Variants in LRMDA observed in about 807,000 individuals in gnomAD.
LRMDA encodes the protein leucine rich melanocyte differentiation associated.
In LRMDA, 18 loss-of-function variants were observed where a neutral mutation model predicts 29.8. That is an observed-to-expected ratio of 0.60 (90% CI 0.42 to 0.90). The LOEUF (loss-of-function observed/expected upper bound fraction) is 0.90, where lower values mean the gene tolerates loss of function less well. LRMDA is among the 40% of genes least tolerant of loss of function. LRMDA has a pLI of 0.00. For missense variants in LRMDA, 273 were observed against 273.9 expected, an observed-to-expected ratio of 1.00 and a Z score of 0.02; for synonymous variants, 125 against 109.4, an observed-to-expected ratio of 1.14 and a Z score of -0.89.
chr10:75,525,592 C>CTTTTTTTTTTTTTTTTTTTTTTTTTT (rs11415547), intron 2 of LRMDA, among the ~76,000 whole-genome samples: 1 of 129,718 alleles, frequency 7.7e-6, no homozygotes, highest in Non-Finnish European at 1.6e-5. Flanking sequence ...TTCTTTCTTT[C>CTTTTTTTTTTTTTTTTTTTTTTTTTT]TTTTTTTTTT....
At chr10:76,216,508 C>T (rs1851730833) in intron 5 of LRMDA, among the ~76,000 whole-genome samples, 1 of 152,092 alleles carries the variant, frequency 6.6e-6, no homozygotes, top group Non-Finnish European at 1.5e-5. Context: ...GAAGTAGGCA[C>T]AAGATGGAGA....
At chr10:75,628,074 A>G (rs1295709661) in intron 2 of LRMDA, among the ~76,000 whole-genome samples, 1 of 152,206 alleles carries the variant, frequency 6.6e-6, no homozygotes, top group African/African-American at 2.4e-5. Flanking sequence ...TTTGGAAAAT[A>G]TATCTGAGTA....
At position 76,511,199 on chromosome 10, in the gene LRMDA, G is replaced by A. The variant is rs1022420839; in HGVS notation, c.602-46010G>A. Among the ~76,000 whole-genome samples the A allele has an allele frequency of 2.0e-5, 3 of 152,176 alleles. No individual in the cohort carries two copies. The South Asian group carries it at 6.2e-4, about 32-fold the overall frequency. On this transcript the variant is annotated intron_variant, in intron 6 of 6. Coordinates refer to ENST00000611255, the MANE Select transcript of LRMDA (RefSeq NM_001305581.2). ...TTTACATCATGAGGCTTTCTAGGGA[G>A]AGCAGAGGAAACACCCAAGCTTTTC...
intron 5 of LRMDA, among the ~76,000 whole-genome samples, chr10:76,144,997 A>C (rs532676082): frequency 1.3e-4 from 20 of 152,296 alleles, no homozygotes; most frequent in African/African-American, 3.9e-4. Context: ...GATTACATTT[A>C]TTGATTTGCA....
intron 6 of LRMDA, among the ~76,000 whole-genome samples, chr10:76,516,520 G>C (rs1843063269): frequency 6.6e-6 from 1 of 151,616 alleles, no homozygotes; most frequent in Non-Finnish European, 1.5e-5. Flanking sequence ...ACAGTCCCCA[G>C]AGTGTGATGT....
chr10:76,552,057 G>A (rs762219968), intron 6 of LRMDA, among the ~76,000 whole-genome samples: 1 of 152,188 alleles, frequency 6.6e-6, no homozygotes, highest in Non-Finnish European at 1.5e-5. Context: ...CATATGAAAT[G>A]CATTTAAAAT....
In LRMDA at chr10:76,034,493, G is replaced by A. The variant is rs192551790; in HGVS notation, c.132-1515G>A. Among the ~76,000 whole-genome samples the A allele has an allele frequency of 9.3e-4, 142 of 152,258 alleles. No homozygotes were observed. In the East Asian group the frequency reaches 0.022, roughly 24 times the overall value. Reference sequence around the variant, plus strand: ...GCTCTGGGAGTCGAGTCCTGAGTGGGACCACCCCGAGGTCTGGCAGGAATG... The same window carrying A: ...GCTCTGGGAGTCGAGTCCTGAGTGGAACCACCCCGAGGTCTGGCAGGAATG... On this transcript the variant is annotated intron_variant, in intron 2 of 6. Transcript: ENST00000611255.
chr10:75,869,418 T>G (rs1164387151), intron 2 of LRMDA, among the ~76,000 whole-genome samples: 2 of 152,224 alleles, frequency 1.3e-5, no homozygotes, highest in East Asian at 3.9e-4. Flanking sequence ...TCTATATGGA[T>G]ATATCAAACT....
intron 5 of LRMDA, 138 bp from the exon 6 acceptor site, chr10:76,324,263 C>T (rs994860844): frequency 2.6e-6 from 2 of 780,850 alleles, no homozygotes; most frequent in African/African-American, 3.4e-5. Context: ...ACAAAAACAG[C>T]TCTTGCTTCC....
intron 6 of LRMDA, among the ~76,000 whole-genome samples, chr10:76,510,464 A>G (rs1026977628): frequency 6.6e-6 from 1 of 152,162 alleles, no homozygotes; most frequent in African/African-American, 2.4e-5. Context: ...CAAAAAGCAG[A>G]AAAATGAGCC....
At chr10:76,109,738 A>G (rs1849545821) in intron 5 of LRMDA, among the ~76,000 whole-genome samples, 1 of 152,186 alleles carries the variant, frequency 6.6e-6, no homozygotes, top group African/African-American at 2.4e-5. Flanking sequence ...GCTAAATCCA[A>G]TGGACCTCTC....
At chr10:76,441,989 T>C (rs1842308225) in intron 6 of LRMDA, among the ~76,000 whole-genome samples, 1 of 152,174 alleles carries the variant, frequency 6.6e-6, no homozygotes, top group African/African-American at 2.4e-5. Flanking sequence ...AACACTTTGG[T>C]GTATTATTCC....
At chr10:76,221,651 C>T (rs1430415776) in intron 5 of LRMDA, among the ~76,000 whole-genome samples, 1 of 152,236 alleles carries the variant, frequency 6.6e-6, no homozygotes, top group Non-Finnish European at 1.5e-5. Flanking sequence ...ATTCCATGCT[C>T]ATGGGTAGGA....
At chr10:75,738,837 A>G (rs1384994499) in intron 2 of LRMDA, among the ~76,000 whole-genome samples, 1 of 152,102 alleles carries the variant, frequency 6.6e-6, no homozygotes, top group Non-Finnish European at 1.5e-5. Context: ...CTTCCTGAGG[A>G]GACAGTTTTT....
chr10:75,714,238 A>G (rs1842471527), intron 2 of LRMDA, among the ~76,000 whole-genome samples: 1 of 152,198 alleles, frequency 6.6e-6, no homozygotes, highest in Admixed American at 6.5e-5. Context: ...CATGAGACAT[A>G]TTTTCAGATA....
intron 2 of LRMDA, among the ~76,000 whole-genome samples, chr10:75,709,697 G>T (rs1842413444): frequency 6.6e-6 from 1 of 152,110 alleles, no homozygotes; most frequent in Admixed American, 6.5e-5. Context: ...AAGGTCTCTT[G>T]CTCACATGCT....
rs776373986 is a variant in LRMDA at position 75,803,902 on chromosome 10, G to A, written c.132-232106G>A. Among the ~76,000 whole-genome samples, 8 of 152,248 alleles carry A rather than the reference G, an allele frequency of 5.3e-5. No individual in the cohort carries two copies. In the East Asian group the frequency reaches 5.8e-4, roughly 11 times the overall value. On this transcript the variant is annotated intron_variant, in intron 2 of 6. Coordinates refer to ENST00000611255, the MANE Select transcript of LRMDA (RefSeq NM_001305581.2). Reference sequence around the variant, plus strand: ...CTGCAGCACAATCACTCTGCCTCCCGCTCCGTCCTGGTCTGCCATCTGCTG... The same window carrying A: ...CTGCAGCACAATCACTCTGCCTCCCACTCCGTCCTGGTCTGCCATCTGCTG...
At chr10:75,783,934 C>T (rs1257636591) in intron 2 of LRMDA, among the ~76,000 whole-genome samples, 1 of 152,170 alleles carries the variant, frequency 6.6e-6, no homozygotes. Flanking sequence ...ACTGGAATAT[C>T]TTATGGCCAT....
At position 76,490,236 on chromosome 10, in the gene LRMDA, G is replaced by T. The variant is rs117100449; in HGVS notation, c.602-66973G>T. On this transcript the variant is annotated intron_variant, in intron 6 of 6. Transcript: ENST00000611255. ...ATAAGATTTGTCCTTGAGAATATGTGTTCTGAGAAGAATGTGTGTTCTGCA... is the reference window on the plus strand; with the variant it reads ...ATAAGATTTGTCCTTGAGAATATGTTTTCTGAGAAGAATGTGTGTTCTGCA... Among the ~76,000 whole-genome samples the T allele has an allele frequency of 4.2e-3, 636 of 151,990 alleles. 1 individual carries two copies. The highest frequency in any genetic ancestry group is 6.2e-3 in the Non-Finnish European group (418 of 67,900).
Sources: allele counts gnomAD v4.1 joint callset (sites outside exome capture counted in the v4.1 genomes callset), GRCh38; gene constraint gnomAD v4.1.1; transcripts MANE v1.5; gene names NCBI Gene and HGNC (gene_info 2026-07-23, HGNC 2026-07-21).